The following TAMM41 variants were observed in gnomAD, a reference collection of about 807,000 sequenced individuals.
TAMM41 encodes the protein TAM41 mitochondrial translocator assembly and maintenance homolog.
In TAMM41, 36 loss-of-function variants were observed where a neutral mutation model predicts 44.1. The observed-to-expected ratio is 0.82, with a 90% confidence interval of 0.63 to 1.08. The LOEUF is 1.08. Among genes scored for constraint, TAMM41 ranks in the 50% least tolerant of loss-of-function variants. TAMM41 has a pLI of 0.00. For missense variants in TAMM41, 417 were observed against 404.3 expected (o/e 1.03, Z -0.27); for synonymous variants, 164 against 153.1 (o/e 1.07, Z -0.53).
chr3:11,785,673 G>A (rs536361104), downstream of TAMM41, among the ~76,000 whole-genome samples: 6 of 151,164 alleles, frequency 4.0e-5, no homozygotes, highest in South Asian at 6.3e-4. Flanking sequence ...GGCGTGCAGT[G>A]CCACGATCTC....
intron 7 of TAMM41, among the ~76,000 whole-genome samples, chr3:11,794,984 A>C (rs2077570590): frequency 6.6e-6 from 1 of 152,236 alleles, no homozygotes; most frequent in African/African-American, 2.4e-5. Context: ...GTGATAAGCA[A>C]ATCAGCAACA....
chr3:11,744,922 G>C, the TAMM41 span, among the ~76,000 whole-genome samples: 2 of 150,960 alleles, frequency 1.3e-5, no homozygotes, highest in African/African-American at 4.9e-5. Flanking sequence ...GGAGTATAGT[G>C]GTGCGATCTC....
Position 11,817,297 on chromosome 3 carries a change from C to T in TAMM41, c.603G>A (p.Val201=). ...CTATATTGGGCTTCACAATATTCAACACTTTTGTTTTATCTTCTCCAACCA... is the reference window on the plus strand; with the variant it reads ...CTATATTGGGCTTCACAATATTCAATACTTTTGTTTTATCTTCTCCAACCA... ...RMVVGEDKTK[V]LNIVKPNIAH... is the part of the protein sequence containing the mutation. Residue 201 remains valine (V), a synonymous_variant, in exon 5 of 8, where the codon GTG becomes GTA. Transcript: ENST00000455809. 1.9e-6 allele frequency: 3 copies of T among 1,612,578 alleles called. No individual in the cohort carries two copies. Among genetic ancestry groups the T allele is most frequent in the Non-Finnish European group, 2.5e-6 (3 of 1,178,696 alleles).
At chr3:11,787,988 A>C (rs1307572270), downstream of TAMM41, among the ~76,000 whole-genome samples, 1 of 152,248 alleles carries the variant, frequency 6.6e-6, no homozygotes, top group African/African-American at 2.4e-5. Flanking sequence ...AGTGGAACAC[A>C]AAGACACAAG....
intron 3 of TAMM41, among the ~76,000 whole-genome samples, chr3:11,835,530 G>A (rs1353637702): frequency 6.6e-6 from 1 of 152,136 alleles, no homozygotes; most frequent in Admixed American, 6.6e-5. Context: ...TACTTGTCTT[G>A]AATTGCTGTT....
chr3:11,737,291 ATTATTATTATTATT>A, the TAMM41 span, among the ~76,000 whole-genome samples: 1 of 30,414 alleles, frequency 3.3e-5, no homozygotes, highest in Non-Finnish European at 5.7e-5. Context: ...TTACATTATT[ATTATTATTATTATT>A]ATTATTATTA....
the TAMM41 span, among the ~76,000 whole-genome samples, chr3:11,724,178 A>G: frequency 2.0e-5 from 3 of 151,684 alleles, no homozygotes; most frequent in Non-Finnish European, 4.4e-5. Context: ...ATCTCGGCTC[A>G]CTGCAACCTC....
At chr3:11,769,355 AT>A in the TAMM41 span, among the ~76,000 whole-genome samples, 757 of 132,860 alleles carry the variant, frequency 5.7e-3, 3 homozygotes, top group South Asian at 0.017. Flanking sequence ...CTCCCAAGAG[AT>A]TTTTTTTTTT....
chr3:11,773,244 A>C, the TAMM41 span, among the ~76,000 whole-genome samples: 8 of 151,914 alleles, frequency 5.3e-5, no homozygotes, highest in Admixed American at 5.3e-4. Context: ...GGTGTGAGCC[A>C]CCATCCCTGG....
chr3:11,724,520 A>G, the TAMM41 span, among the ~76,000 whole-genome samples: 1 of 151,972 alleles, frequency 6.6e-6, no homozygotes, highest in African/African-American at 2.4e-5. Context: ...GGTTCAAGCA[A>G]TTCTCCTGCC....
intron 5 of TAMM41, among the ~76,000 whole-genome samples, chr3:11,816,638 C>T (rs1225872638): frequency 6.6e-6 from 1 of 152,110 alleles, no homozygotes; most frequent in Non-Finnish European, 1.5e-5. Context: ...TGGTGGCATG[C>T]ACCTGTAGTC....
At chr3:11,829,657 C>T in intron 4 of TAMM41, 57 bp downstream of exon 4, 1 of 1,587,076 alleles carries the variant, frequency 6.3e-7, no homozygotes, top group Non-Finnish European at 8.6e-7. Context: ...AGGATATCCG[C>T]AGTCTTCAAA....
At chr3:11,818,504 T>C (rs2078375518) in intron 4 of TAMM41, among the ~76,000 whole-genome samples, 1 of 152,188 alleles carries the variant, frequency 6.6e-6, no homozygotes, top group Non-Finnish European at 1.5e-5. Flanking sequence ...AATATGTACT[T>C]CATTGAGTAA....
At chr3:11,728,118 C>G in the TAMM41 span, among the ~76,000 whole-genome samples, 1 of 152,046 alleles carries the variant, frequency 6.6e-6, no homozygotes, top group East Asian at 1.9e-4. Flanking sequence ...ACATGTGAAT[C>G]TGCAACTATT....
the TAMM41 span, among the ~76,000 whole-genome samples, chr3:11,743,218 T>G: frequency 1.1e-4 from 16 of 152,142 alleles, no homozygotes; most frequent in South Asian, 3.3e-3. Context: ...AGCAGAGTGG[T>G]GGCAGTGGAG....
rs967669965 is a variant in TAMM41 at position 11,802,256 on chromosome 3, A to G, written c.937+5577T>C. Among the ~76,000 whole-genome samples, 5 of 152,310 alleles carry G rather than the reference A, an allele frequency of 3.3e-5. No homozygotes were observed. The East Asian group carries it at 9.7e-4, about 29-fold the overall frequency. On this transcript the variant is annotated intron_variant, in intron 7 of 7. Coordinates refer to ENST00000455809, the MANE Select transcript of TAMM41 (RefSeq NM_001284401.2). ...AAGAAAAGTTGGTTCTTTGAAAGATACACAAAATTGATAAACCACTAGCTA... is the reference window on the plus strand; with the variant it reads ...AAGAAAAGTTGGTTCTTTGAAAGATGCACAAAATTGATAAACCACTAGCTA...
At chr3:11,778,070 C>T in the TAMM41 span, among the ~76,000 whole-genome samples, 3 of 152,038 alleles carry the variant, frequency 2.0e-5, no homozygotes, top group Non-Finnish European at 2.9e-5. Flanking sequence ...ATCATGTTTT[C>T]GAGGCTCATC....
intron 7 of TAMM41, among the ~76,000 whole-genome samples, chr3:11,795,523 T>A (rs928402137): frequency 2.6e-5 from 4 of 152,204 alleles, no homozygotes; most frequent in African/African-American, 9.7e-5. Flanking sequence ...ATCTATTTGG[T>A]CTCCCTCGCA....
chr3:11,809,969 T>C (rs2078037749), intron 5 of TAMM41: 1 of 285,354 alleles, frequency 3.5e-6, no homozygotes, highest in Non-Finnish European at 6.4e-6. Flanking sequence ...GGTTTTAAAA[T>C]TTATATTTGT....
Sources: allele counts gnomAD v4.1 joint callset (sites outside exome capture counted in the v4.1 genomes callset), GRCh38; gene constraint gnomAD v4.1.1; transcripts MANE v1.5; gene names NCBI Gene and HGNC (gene_info 2026-07-23, HGNC 2026-07-21).